LCLAT1: variants seen among roughly 807,000 people sequenced by gnomAD.
The protein encoded by LCLAT1 is lysocardiolipin acyltransferase 1, also known as 1-AGP acyltransferase 8.
In LCLAT1, 11 loss-of-function variants were observed where a neutral mutation model predicts 30.7. The ratio of observed to expected loss-of-function variants is 0.36; its 90% CI spans 0.23 to 0.59. The LOEUF is 0.59. Among genes scored for constraint, LCLAT1 ranks in the 20% least tolerant of loss-of-function variants. The pLI is 0.77. For synonymous variants in LCLAT1, 155 were observed against 151.3 expected (o/e 1.02, Z -0.18); for missense variants, 402 against 458.6 (o/e 0.88, Z 1.13).
At chr2:30,541,637 C>G (rs1475082854) in intron 3 of LCLAT1, among the ~76,000 whole-genome samples, 1 of 152,112 alleles carries the variant, frequency 6.6e-6, no homozygotes, top group African/African-American at 2.4e-5. Flanking sequence ...GTTTTATTTA[C>G]CATACCTTTA....
At chr2:30,610,966 TACCAAAC>T (rs1428905994) in intron 5 of LCLAT1, among the ~76,000 whole-genome samples, 2 of 152,036 alleles carry the variant, frequency 1.3e-5, no homozygotes, top group Non-Finnish European at 2.9e-5. Context: ...ATGTAATAGA[TACCAAAC>T]ACTGAGTTTA....
chr2:30,477,233 A>G (rs1683089119), intron 1 of LCLAT1, among the ~76,000 whole-genome samples: 1 of 152,042 alleles, frequency 6.6e-6, no homozygotes, highest in East Asian at 1.9e-4. Flanking sequence ...TGTTTTTATC[A>G]CCTAGACTAA....
At chr2:30,598,545 T>C (rs1016780290) in intron 5 of LCLAT1, among the ~76,000 whole-genome samples, 2 of 152,122 alleles carry the variant, frequency 1.3e-5, no homozygotes, top group African/African-American at 4.8e-5. Flanking sequence ...TTTTTTCTTC[T>C]TGATTAGTCT....
chr2:30,546,397 C>G (rs1282400903), intron 3 of LCLAT1, among the ~76,000 whole-genome samples: 1 of 152,008 alleles, frequency 6.6e-6, no homozygotes, highest in Non-Finnish European at 1.5e-5. Context: ...TTTTAGAGAT[C>G]ATGAATAAAA....
intron 1 of LCLAT1, among the ~76,000 whole-genome samples, chr2:30,506,773 C>G (rs1343809505): frequency 6.6e-6 from 1 of 152,112 alleles, no homozygotes; most frequent in Admixed American, 6.5e-5. Flanking sequence ...TGCATACACT[C>G]TTTAACAGCA....
intron 5 of LCLAT1, among the ~76,000 whole-genome samples, chr2:30,568,707 A>G (rs1665629939): frequency 6.7e-6 from 1 of 150,370 alleles, no homozygotes; most frequent in Non-Finnish European, 1.5e-5. Context: ...GGGGGTTTCA[A>G]CATGTTAGCC....
chr2:30,495,857 G>C (rs1572525462), intron 1 of LCLAT1, among the ~76,000 whole-genome samples: 1 of 152,084 alleles, frequency 6.6e-6, no homozygotes, highest in East Asian at 1.9e-4. Context: ...GAGGTAGGTG[G>C]TTATGTATTA....
At chr2:30,496,482 C>T (rs140850114) in intron 1 of LCLAT1, among the ~76,000 whole-genome samples, 90 of 152,220 alleles carry the variant, frequency 5.9e-4, no homozygotes, top group African/African-American at 2.1e-3. Flanking sequence ...AACTAGAGGA[C>T]GTTCAGTAGG....
At chr2:30,567,068 A>G (rs1473454083) in intron 4 of LCLAT1, among the ~76,000 whole-genome samples, 2 of 152,112 alleles carry the variant, frequency 1.3e-5, no homozygotes, top group African/African-American at 4.8e-5. Context: ...GATATATTTG[A>G]TTGCTAGTTA....
In LCLAT1 at chr2:30,571,278, T is replaced by C. The variant is rs182854768; in HGVS notation, c.628+3102T>C. Among the ~76,000 whole-genome samples the C allele has an allele frequency of 2.5e-3, 387 of 152,288 alleles. 2 individuals carry two copies. Among genetic ancestry groups the C allele is most frequent in the African/African-American group, 9.0e-3 (375 of 41,562 alleles). On this transcript the variant is annotated intron_variant, in intron 5 of 5. Coordinates refer to ENST00000379509, the MANE Select transcript of LCLAT1 (RefSeq NM_001002257.3). ...TTTGGATCAGCACACCTGAACCAAA[T>C]TCTTCGGTTTGTATTCAGGGAGAGA...
intron 1 of LCLAT1, among the ~76,000 whole-genome samples, chr2:30,505,903 T>G (rs1684635834): frequency 6.6e-6 from 1 of 152,142 alleles, no homozygotes; most frequent in Non-Finnish European, 1.5e-5. Flanking sequence ...AAGAGGTAAG[T>G]AATAAGAGAT....
At chr2:30,620,517 C>T (rs933150819) in intron 5 of LCLAT1, among the ~76,000 whole-genome samples, 4 of 152,164 alleles carry the variant, frequency 2.6e-5, no homozygotes, top group African/African-American at 9.7e-5. Context: ...CTGCAGTTCA[C>T]CTGTTCAGAC....
intron 1 of LCLAT1, among the ~76,000 whole-genome samples, chr2:30,453,156 C>G (rs1189921773): frequency 6.6e-6 from 1 of 152,140 alleles, no homozygotes; most frequent in Non-Finnish European, 1.5e-5. Context: ...TAGTTCATTC[C>G]CTCGGGAGAA....
chr2:30,521,981 C>A (rs572004300), intron 1 of LCLAT1, among the ~76,000 whole-genome samples: 1 of 152,196 alleles, frequency 6.6e-6, no homozygotes, highest in Non-Finnish European at 1.5e-5. Context: ...TGGCCTCTTT[C>A]ATTCAGCATA....
At chr2:30,538,645 T>A (rs1207382155) in intron 3 of LCLAT1, among the ~76,000 whole-genome samples, 12 of 150,388 alleles carry the variant, frequency 8.0e-5, no homozygotes, top group East Asian at 2.0e-4. Flanking sequence ...CAAAAAAAAA[T>A]AAAAAATAAA....
At chr2:30,485,777 T>C (rs535517234) in intron 1 of LCLAT1, among the ~76,000 whole-genome samples, 7 of 152,270 alleles carry the variant, frequency 4.6e-5, no homozygotes, top group African/African-American at 1.7e-4. Flanking sequence ...CCTTTAGGAA[T>C]GGAACTTTGA....
intron 1 of LCLAT1, among the ~76,000 whole-genome samples, chr2:30,469,570 T>A (rs1392042275): frequency 7.0e-6 from 1 of 143,074 alleles, no homozygotes; most frequent in African/African-American, 2.8e-5. Context: ...GCTACAGGTC[T>A]CTTCTTTTTT....
At chr2:30,533,718 C>T (rs1392551777) in intron 3 of LCLAT1, among the ~76,000 whole-genome samples, 1 of 152,140 alleles carries the variant, frequency 6.6e-6, no homozygotes, top group South Asian at 2.1e-4. Context: ...TATGTAGGTT[C>T]GAAGCATTCA....
intron 5 of LCLAT1, among the ~76,000 whole-genome samples, chr2:30,632,501 G>C (rs1303545922): frequency 6.6e-6 from 1 of 152,160 alleles, no homozygotes; most frequent in Non-Finnish European, 1.5e-5. Context: ...TGCATGTTGA[G>C]AATAAACCAC....
Sources: allele counts gnomAD v4.1 joint callset (sites outside exome capture counted in the v4.1 genomes callset), GRCh38; gene constraint gnomAD v4.1.1; transcripts MANE v1.5; gene names NCBI Gene and HGNC (gene_info 2026-07-23, HGNC 2026-07-21).